SRGN: variants seen among roughly 807,000 people sequenced by gnomAD.
SRGN encodes serglycin.
SRGN carries 2 observed loss-of-function variants against 9.5 expected under a neutral mutation model. That is an observed-to-expected ratio of 0.21 (90% CI 0.09 to 0.66). The LOEUF (loss-of-function observed/expected upper bound fraction) is 0.66, where lower values mean the gene tolerates loss of function less well. Among genes scored for constraint, SRGN ranks in the 30% least tolerant of loss-of-function variants. The probability of loss-of-function intolerance (pLI) is 0.83; values close to 1 mark genes in which losing one functional copy is unlikely to be tolerated. For synonymous variants in SRGN, 59 were observed against 72.3 expected, an observed-to-expected ratio of 0.82 and a Z score of 0.93; for missense variants, 170 against 192.4, an observed-to-expected ratio of 0.88 and a Z score of 0.69.
chr10:69,089,765 A>G (rs1420861948), intron 1 of SRGN, among the ~76,000 whole-genome samples: 1 of 151,946 alleles, frequency 6.6e-6, no homozygotes, highest in Non-Finnish European at 1.5e-5. Context: ...GCATGGTGGC[A>G]CACACCTGTC....
chr10:69,100,986 T>TTTCC (rs1491535711), intron 2 of SRGN, among the ~76,000 whole-genome samples: 2 of 133,752 alleles, frequency 1.5e-5, no homozygotes. Flanking sequence ...TCTTTCTTTC[T>TTTCC]TTTTTTTTTT....
chr10:69,098,168 A>G (rs1304058639), intron 2 of SRGN, among the ~76,000 whole-genome samples: 2 of 152,240 alleles, frequency 1.3e-5, no homozygotes, highest in African/African-American at 2.4e-5. Flanking sequence ...AACACACTAT[A>G]TATAAAAATC....
chr10:69,096,276 T>G (rs1840174211), intron 1 of SRGN, among the ~76,000 whole-genome samples: 1 of 152,226 alleles, frequency 6.6e-6, no homozygotes. Context: ...TCCTAGCGCC[T>G]GTGTGGCTGC....
intron 1 of SRGN, among the ~76,000 whole-genome samples, chr10:69,091,241 G>T (rs1364904488): frequency 1.3e-5 from 2 of 152,176 alleles, no homozygotes; most frequent in East Asian, 1.9e-4. Context: ...TGAACTGGTC[G>T]TCTGATTTCA....
chr10:69,089,491 T>C (rs927653796), intron 1 of SRGN, among the ~76,000 whole-genome samples: 14 of 152,194 alleles, frequency 9.2e-5, no homozygotes, highest in Non-Finnish European at 1.9e-4. Context: ...ACCAGAGATA[T>C]GTAAGTCTTT....
At chr10:69,096,939 A>C in intron 1 of SRGN, 145 bp from the exon 2 acceptor site, 1 of 628,638 alleles carries the variant, frequency 1.6e-6, no homozygotes, top group Non-Finnish European at 2.5e-6. Flanking sequence ...GGTTGCAGTG[A>C]GCTATGATCA....
At chr10:69,088,440 T>A (rs539981150) in intron 1 of SRGN, among the ~76,000 whole-genome samples, 2 of 152,346 alleles carry the variant, frequency 1.3e-5, no homozygotes, top group African/African-American at 4.8e-5. Context: ...GCGTGTGCAG[T>A]CTTGTAAACT....
intron 1 of SRGN, among the ~76,000 whole-genome samples, chr10:69,092,856 C>T (rs866487068): frequency 1.3e-5 from 2 of 151,400 alleles, no homozygotes; most frequent in African/African-American, 4.9e-5. Context: ...ATGCAACCAT[C>T]ACTATAATTG....
chr10:69,096,982 A>G, intron 1 of SRGN, 102 bp from the exon 2 acceptor site: 1 of 1,268,088 alleles, frequency 7.9e-7, no homozygotes, highest in Non-Finnish European at 1.1e-6. Flanking sequence ...CAGCCGACTG[A>G]GACCCTGTCT....
chr10:69,092,122 C>T (rs1015624399), intron 1 of SRGN, among the ~76,000 whole-genome samples: 1 of 151,862 alleles, frequency 6.6e-6, no homozygotes, highest in African/African-American at 2.4e-5. Context: ...ACCATTCTTT[C>T]CCTTGGAATC....
Position 69,104,130 on chromosome 10 carries a change from T to G in SRGN, c.*10T>G, listed in dbSNP as rs1332983756. On this transcript the variant is annotated 3_prime_UTR_variant, in exon 3 of 3. Transcript: ENST00000242465. ...GGATTTTATGTTATAAAAGAGGATTTTCCCACCTTGACACCAGGCAATGTA... is the reference window on the plus strand; with the variant it reads ...GGATTTTATGTTATAAAAGAGGATTGTCCCACCTTGACACCAGGCAATGTA... The G allele has an allele frequency of 6.2e-7, 1 of 1,610,294 alleles. No homozygotes were observed. The highest frequency in any genetic ancestry group is 1.7e-5 in the Admixed American group (1 of 59,906).
At position 69,104,538 on chromosome 10, in the gene SRGN, AT is replaced by A. The variant is rs1840360866; in HGVS notation, c.*419del. 6.5e-6 allele frequency: 1 copy of A among 153,028 alleles called. No individual in the cohort carries two copies. Among genetic ancestry groups the A allele is most frequent in the African/African-American group, 2.5e-5 (1 of 40,560 alleles). 9.5% of individuals were successfully genotyped at this position (153,028 alleles called of 1,614,324 possible). On this transcript the variant is annotated 3_prime_UTR_variant, in exon 3 of 3. Transcript: ENST00000242465. Reference sequence around the variant, plus strand: ...TTTTCTTATAAAAACAAAAAAAAAAATAATGAAACACAGTGAATTTGTAGAG... The same window carrying A: ...TTTTCTTATAAAAACAAAAAAAAAAAAATGAAACACAGTGAATTTGTAGAG...
At chr10:69,094,883 T>C (rs1229720379) in intron 1 of SRGN, among the ~76,000 whole-genome samples, 1 of 151,820 alleles carries the variant, frequency 6.6e-6, no homozygotes, top group African/African-American at 2.4e-5. Context: ...ATTTCAGGCA[T>C]GAGCTACCAC....
intron 1 of SRGN, among the ~76,000 whole-genome samples, chr10:69,096,695 G>A (rs1466587837): frequency 6.6e-6 from 1 of 152,156 alleles, no homozygotes; most frequent in African/African-American, 2.4e-5. Context: ...CTTAGGGCGG[G>A]TGGGGTGCAG....
At chr10:69,089,633 C>T (rs754824311) in intron 1 of SRGN, among the ~76,000 whole-genome samples, 3 of 152,200 alleles carry the variant, frequency 2.0e-5, no homozygotes, top group Non-Finnish European at 2.9e-5. Flanking sequence ...TGGTGGCTCA[C>T]GCCTGTAATC....
chr10:69,098,926 C>G (rs988272759), intron 2 of SRGN: 35 of 152,002 alleles, frequency 2.3e-4, no homozygotes, highest in African/African-American at 8.4e-4. Flanking sequence ...CATTGCACTC[C>G]AGCCTAGGCA....
chr10:69,093,297 C>A (rs1840103066), intron 1 of SRGN, among the ~76,000 whole-genome samples: 1 of 152,180 alleles, frequency 6.6e-6, no homozygotes, highest in South Asian at 2.1e-4. Context: ...ATAACTTTTA[C>A]ATTGATGATA....
intron 1 of SRGN, among the ~76,000 whole-genome samples, chr10:69,094,505 C>T (rs1338127591): frequency 6.6e-6 from 1 of 151,936 alleles, no homozygotes; most frequent in Non-Finnish European, 1.5e-5. Context: ...TTCCATTTTT[C>T]CCCCCATGTC....
rs1409236279 is a variant in SRGN at position 69,100,988 on chromosome 10, T to TC, written c.228-2883_228-2882insC. The stretch of plus-strand genomic sequence containing the variant: ...GTATTTTTTTCTTTCTTTCTTTCTT[T>TC]TTTTTTTTTTTTTTACAGAGTCTCA... On this transcript the variant is annotated intron_variant, in intron 2 of 2. Transcript: ENST00000242465. Among the ~76,000 whole-genome samples the TC allele has an allele frequency of 4.4e-3, 637 of 144,940 alleles. 2 individuals are homozygous for TC. Among genetic ancestry groups the TC allele is most frequent in the Non-Finnish European group, 6.4e-3 (428 of 66,574 alleles).
Sources: allele counts gnomAD v4.1 joint callset (sites outside exome capture counted in the v4.1 genomes callset), GRCh38; gene constraint gnomAD v4.1.1; transcripts MANE v1.5; gene names NCBI Gene and HGNC (gene_info 2026-07-23, HGNC 2026-07-21).